The following SPIDR variants were observed in gnomAD, a reference collection of about 807,000 sequenced individuals.
SPIDR encodes scaffold protein involved in DNA repair.
SPIDR carries 93 observed loss-of-function variants against 104.6 expected under a neutral mutation model. That is an observed-to-expected ratio of 0.89 (90% CI 0.75 to 1.06). The LOEUF (loss-of-function observed/expected upper bound fraction) is 1.06, where lower values mean the gene tolerates loss of function less well. SPIDR is among the 50% of genes least tolerant of loss of function. SPIDR has a pLI of 0.00. For missense variants in SPIDR, 1,154 were observed against 1,111.2 expected (o/e 1.04, Z -0.55); for synonymous variants, 431 against 416.9 (o/e 1.03, Z -0.41).
At position 47,261,998 on chromosome 8, in the gene SPIDR, G is replaced by A. The variant is rs145519254; in HGVS notation, c.33+1007G>A. On this transcript the variant is annotated intron_variant, in intron 1 of 19. Coordinates refer to ENST00000297423, the MANE Select transcript of SPIDR (RefSeq NM_001080394.4). ...TCACCACCTGCTTTTATTTCTTTTG[G>A]AACATCCATGATTGTTTTCCTGTCT... is the stretch of plus-strand genomic sequence containing the variant. Among the ~76,000 whole-genome samples, 105 of 152,236 alleles carry A rather than the reference G, an allele frequency of 6.9e-4. 1 individual carries two copies. Among genetic ancestry groups the A allele is most frequent in the South Asian group, 5.6e-3 (27 of 4,812 alleles).
intron 8 of SPIDR, among the ~76,000 whole-genome samples, chr8:47,466,459 G>A (rs2074793823): frequency 6.6e-6 from 1 of 152,174 alleles, no homozygotes; most frequent in African/African-American, 2.4e-5. Flanking sequence ...AAATCAAGAA[G>A]TTCTTTGAAA....
intron 10 of SPIDR, among the ~76,000 whole-genome samples, chr8:47,623,983 G>T (rs1287002713): frequency 6.6e-6 from 1 of 152,120 alleles, no homozygotes; most frequent in Non-Finnish European, 1.5e-5. Context: ...CACATAGTTG[G>T]AAGTAAAGCA....
At chr8:47,431,534 A>G (rs1160423280) in intron 7 of SPIDR, among the ~76,000 whole-genome samples, 2 of 152,212 alleles carry the variant, frequency 1.3e-5, no homozygotes, top group African/African-American at 2.4e-5. Context: ...TCACAGCGAC[A>G]TGCCTAGTGG....
intron 7 of SPIDR, among the ~76,000 whole-genome samples, chr8:47,417,166 G>T (rs1367469603): frequency 6.6e-6 from 1 of 152,086 alleles, no homozygotes. Flanking sequence ...TGGGTCAAAT[G>T]GTATTTCTAG....
At chr8:47,370,844 AT>A (rs1234635596) in intron 5 of SPIDR, among the ~76,000 whole-genome samples, 15 of 152,178 alleles carry the variant, frequency 9.9e-5, no homozygotes, top group African/African-American at 3.4e-4. Context: ...AGTTAAAAAA[AT>A]AACCTCACCT....
chr8:47,505,670 T>G (rs972648431), intron 8 of SPIDR, among the ~76,000 whole-genome samples: 1 of 151,992 alleles, frequency 6.6e-6, no homozygotes, highest in Admixed American at 6.5e-5. Flanking sequence ...ATACCTCAGT[T>G]GGAAATGCAG....
chr8:47,260,928 G>C (rs1238079838), upstream of SPIDR: 7 of 1,224,652 alleles, frequency 5.7e-6, no homozygotes, highest in Non-Finnish European at 7.1e-6. Context: ...GCGCGCTGAG[G>C]AGGCGGTGCG....
intron 6 of SPIDR, among the ~76,000 whole-genome samples, chr8:47,405,489 A>G (rs2062622915): frequency 6.6e-6 from 1 of 152,196 alleles, no homozygotes; most frequent in South Asian, 2.1e-4. Flanking sequence ...CTTATTAAAA[A>G]TATTTTGACT....
chr8:47,334,850 G>A (rs184173428), intron 5 of SPIDR, among the ~76,000 whole-genome samples: 1 of 152,062 alleles, frequency 6.6e-6, no homozygotes, highest in Admixed American at 6.6e-5. Context: ...CACTCTTTGA[G>A]CATTTTATAT....
chr8:47,630,652 T>C (rs1247420761), intron 10 of SPIDR, among the ~76,000 whole-genome samples: 1 of 152,168 alleles, frequency 6.6e-6, no homozygotes, highest in East Asian at 1.9e-4. Context: ...TCCAGGGCAA[T>C]AGGACTTAAG....
At position 47,694,402 on chromosome 8, in the gene SPIDR, CTG is replaced by C. The variant is rs2079058554; in HGVS notation, c.1686-6000_1686-5999del. On this transcript the variant is annotated intron_variant, in intron 11 of 19. Coordinates refer to ENST00000297423, the MANE Select transcript of SPIDR (RefSeq NM_001080394.4). ...GCAGTGGGCAGGAAAGGGAGACAGA[CTG>C]AGAGAGGGGAGACAATCTAAAGAAC... Among the ~76,000 whole-genome samples the C allele has an allele frequency of 2.0e-5, 3 of 152,038 alleles. No individual in the cohort carries two copies. The East Asian group carries it at 5.8e-4, about 29-fold the overall frequency.
chr8:47,298,147 A>C (rs1179899078), intron 5 of SPIDR, among the ~76,000 whole-genome samples: 1 of 152,162 alleles, frequency 6.6e-6, no homozygotes, highest in Non-Finnish European at 1.5e-5. Flanking sequence ...AATGATTGCC[A>C]TTCTAACTGG....
chr8:47,429,781 G>A (rs528305407), intron 7 of SPIDR, among the ~76,000 whole-genome samples: 4 of 147,896 alleles, frequency 2.7e-5, no homozygotes, highest in Non-Finnish European at 6.0e-5. Flanking sequence ...TTTTTTTTCT[G>A]GTCTGTACTT....
intron 10 of SPIDR, among the ~76,000 whole-genome samples, chr8:47,631,430 T>A (rs1437670450): frequency 1.3e-5 from 2 of 152,258 alleles, no homozygotes; most frequent in Non-Finnish European, 2.9e-5. Flanking sequence ...TCTTACCTCC[T>A]GGTGGTTGCA....
intron 12 of SPIDR, 44 bp from the exon 13 acceptor site, chr8:47,701,677 T>C: frequency 1.3e-6 from 2 of 1,590,736 alleles, no homozygotes; most frequent in Middle Eastern, 1.7e-4. Flanking sequence ...TTTTTGAGTC[T>C]TTTAACAATA....
intron 1 of SPIDR, among the ~76,000 whole-genome samples, chr8:47,263,324 C>A (rs1273935273): frequency 6.6e-6 from 1 of 152,172 alleles, no homozygotes; most frequent in African/African-American, 2.4e-5. Flanking sequence ...TTGCTTGCCC[C>A]TTGGTGGTAA....
intron 14 of SPIDR, among the ~76,000 whole-genome samples, chr8:47,703,334 GT>G (rs1232168376): frequency 2.0e-5 from 3 of 152,242 alleles, no homozygotes; most frequent in Non-Finnish European, 4.4e-5. Context: ...AAAAGAATAT[GT>G]TTCATAACTT....
chr8:47,373,664 C>T (rs1223073437), intron 5 of SPIDR, among the ~76,000 whole-genome samples: 3 of 152,020 alleles, frequency 2.0e-5, no homozygotes, highest in Non-Finnish European at 4.4e-5. Context: ...AGTCATCCAT[C>T]GTCTTTGCAA....
intron 5 of SPIDR, among the ~76,000 whole-genome samples, chr8:47,321,407 A>C (rs1216889510): frequency 6.6e-6 from 1 of 152,216 alleles, no homozygotes; most frequent in African/African-American, 2.4e-5. Flanking sequence ...GGACTTCTTC[A>C]AGGAGAACTA....
Sources: allele counts gnomAD v4.1 joint callset (sites outside exome capture counted in the v4.1 genomes callset), GRCh38; gene constraint gnomAD v4.1.1; transcripts MANE v1.5; gene names NCBI Gene and HGNC (gene_info 2026-07-23, HGNC 2026-07-21).